The following GRID1 variants were observed in gnomAD, a reference collection of about 807,000 sequenced individuals.
The protein encoded by GRID1 is glutamate receptor ionotropic, delta-1.
Under a neutral mutation model 98.0 loss-of-function variants are expected in GRID1, and 28 were observed. The ratio of observed to expected loss-of-function variants is 0.29; its 90% CI spans 0.21 to 0.39. The LOEUF (loss-of-function observed/expected upper bound fraction) is 0.39. GRID1 is among the 10% of genes least tolerant of loss of function. GRID1 has a pLI of 1.00. For synonymous variants in GRID1, 553 were observed against 538.5 expected (o/e 1.03, Z -0.37); for missense variants, 1,111 against 1,340.5 (o/e 0.83, Z 2.67).
At chr10:86,359,821 T>C (rs1360349545) in intron 2 of GRID1, among the ~76,000 whole-genome samples, 1 of 152,260 alleles carries the variant, frequency 6.6e-6, no homozygotes, top group East Asian at 1.9e-4. Flanking sequence ...TTTTTTTATT[T>C]AACAAATTAG....
intron 13 of GRID1, among the ~76,000 whole-genome samples, chr10:85,628,640 G>T (rs1164720880): frequency 6.6e-6 from 1 of 152,162 alleles, no homozygotes; most frequent in African/African-American, 2.4e-5. Flanking sequence ...GAGGTTGTCA[G>T]GAAACCTGCT....
chr10:85,865,457 T>C (rs1336679650), intron 6 of GRID1, among the ~76,000 whole-genome samples: 1 of 152,146 alleles, frequency 6.6e-6, no homozygotes, highest in Admixed American at 6.5e-5. Flanking sequence ...AAATTCCCTG[T>C]TCTTCTTGGT....
intron 13 of GRID1, among the ~76,000 whole-genome samples, chr10:85,636,787 T>A (rs1263234942): frequency 6.6e-6 from 1 of 152,232 alleles, no homozygotes; most frequent in Non-Finnish European, 1.5e-5. Flanking sequence ...AAACTAATAA[T>A]GTAATTCATT....
intron 4 of GRID1, among the ~76,000 whole-genome samples, chr10:86,011,985 C>T (rs1047471613): frequency 2.6e-5 from 4 of 152,144 alleles, no homozygotes; most frequent in African/African-American, 9.7e-5. Flanking sequence ...TGGTGAAACC[C>T]AGTCTCTACT....
intron 2 of GRID1, among the ~76,000 whole-genome samples, chr10:86,306,843 T>C (rs1847764841): frequency 6.6e-6 from 1 of 152,234 alleles, no homozygotes; most frequent in African/African-American, 2.4e-5. Flanking sequence ...AGGATAACTG[T>C]GTCTTCCTGG....
At chr10:86,338,592 C>T (rs924574337) in intron 2 of GRID1, among the ~76,000 whole-genome samples, 3 of 152,146 alleles carry the variant, frequency 2.0e-5, no homozygotes, top group African/African-American at 7.2e-5. Flanking sequence ...GAGTCTCGCT[C>T]TATCCCCCAG....
chr10:85,797,884 C>T (rs1246689112), intron 8 of GRID1, among the ~76,000 whole-genome samples: 1 of 152,174 alleles, frequency 6.6e-6, no homozygotes, highest in Non-Finnish European at 1.5e-5. Context: ...CCAGCTTCAT[C>T]CATATTGTTG....
Position 86,138,483 on chromosome 10 carries a change from C to G in GRID1, c.726+336G>C, listed in dbSNP as rs1201175841. On this transcript the variant is annotated intron_variant, in intron 4 of 15. Coordinates refer to ENST00000327946, the MANE Select transcript of GRID1 (RefSeq NM_017551.3). Reference sequence around the variant, plus strand: ...TTATTTTATCCCTAGAGGCTTACACCTGTCAACAAAGAGAGGAAAATTAAA... The same window carrying G: ...TTATTTTATCCCTAGAGGCTTACACGTGTCAACAAAGAGAGGAAAATTAAA... 9.2e-5 allele frequency among the ~76,000 whole-genome samples: 14 copies of G among 152,234 alleles called. No homozygotes were observed. The East Asian group carries it at 2.3e-3, about 25-fold the overall frequency.
At chr10:85,772,476 G>A (rs542593105) in intron 8 of GRID1, among the ~76,000 whole-genome samples, 2,068 of 151,532 alleles carry the variant, frequency 0.014, 17 homozygotes, top group Non-Finnish European at 0.022. Flanking sequence ...TAAAATCAGA[G>A]CAGAACTGAA....
chr10:86,011,548 G>A (rs1241505222), intron 4 of GRID1, among the ~76,000 whole-genome samples: 6 of 151,702 alleles, frequency 4.0e-5, no homozygotes, highest in South Asian at 4.2e-4. Flanking sequence ...GAAGGAAAGA[G>A]GAAAAAAAAG....
intron 12 of GRID1, among the ~76,000 whole-genome samples, chr10:85,692,397 C>T (rs950074493): frequency 1.3e-5 from 2 of 152,048 alleles, no homozygotes; most frequent in African/African-American, 4.8e-5. Flanking sequence ...TGCAGTGGCT[C>T]ATAGCTACAG....
chr10:85,887,814 G>T (rs527710412), intron 5 of GRID1, among the ~76,000 whole-genome samples: 1 of 152,244 alleles, frequency 6.6e-6, no homozygotes, highest in Admixed American at 6.5e-5. Context: ...AATGTGTCTA[G>T]CCCGAAGTTT....
chr10:85,869,064 G>T lies in GRID1; in HGVS notation c.897C>A (p.His299Gln). Residue 299 changes from histidine (H) to glutamine (Q), a missense_variant, in exon 6 of 16, where the codon CAC becomes CAA. Physicochemically the swap from His to Gln is conservative, Grantham distance 24. This residue lies in a region of GRID1 where 346 missense variants were observed against 452.3 expected (regional missense o/e 0.76). Transcript: ENST00000327946. Reference sequence around the variant, plus strand: ...GGTCGCAGAGCAGGGAGGAGATGCGGTGGTTGTTCCTCGTGCATTTCTGAT... The same window carrying T: ...GGTCGCAGAGCAGGGAGGAGATGCGTTGGTTGTTCCTCGTGCATTTCTGAT... ...KDNQKCTRNN[H>Q]RISSLLCDPQ... 1.2e-6 allele frequency: 2 copies of T among 1,614,088 alleles called. No individual in the cohort carries two copies. Among genetic ancestry groups the T allele is most frequent in the Admixed American group, 1.7e-5 (1 of 60,030 alleles).
intron 2 of GRID1, among the ~76,000 whole-genome samples, chr10:86,352,089 T>A (rs888645765): frequency 2.0e-5 from 3 of 152,080 alleles, no homozygotes; most frequent in Non-Finnish European, 4.4e-5. Flanking sequence ...GATCACAAGG[T>A]CAGGAGTTAG....
chr10:86,090,489 T>TA (rs1429918125), intron 4 of GRID1, among the ~76,000 whole-genome samples: 1 of 150,288 alleles, frequency 6.7e-6, no homozygotes, highest in Non-Finnish European at 1.5e-5. Flanking sequence ...ACTGAAATTT[T>TA]AAAAAAATGA....
At position 86,192,325 on chromosome 10, in the gene GRID1, C is replaced by T. The variant is rs1845813676; in HGVS notation, c.520+14039G>A. 1.3e-5 allele frequency among the ~76,000 whole-genome samples: 2 copies of T among 152,258 alleles called. No individual in the cohort carries two copies. The highest frequency in any genetic ancestry group is 4.2e-4 in the South Asian group (2 of 4,812). On this transcript the variant is annotated intron_variant, in intron 3 of 15. Transcript: ENST00000327946. This position sits in a 1 kb window ranked among gnomAD's most constrained non-coding sequence, Gnocchi z 4.8. ...GATGAATAGGTCAATAAAATTCTGTCTATCCACACAATGGAATATTACTCA... is the reference window on the plus strand; with the variant it reads ...GATGAATAGGTCAATAAAATTCTGTTTATCCACACAATGGAATATTACTCA...
At chr10:86,163,529 C>T (rs1303301281) in intron 3 of GRID1, among the ~76,000 whole-genome samples, 7 of 151,052 alleles carry the variant, frequency 4.6e-5, no homozygotes, top group Non-Finnish European at 1.0e-4. Flanking sequence ...TGACGCATTT[C>T]TTAAAGATCC....
chr10:85,620,647 T>A (rs1842847570), intron 13 of GRID1, among the ~76,000 whole-genome samples: 1 of 152,126 alleles, frequency 6.6e-6, no homozygotes, highest in Non-Finnish European at 1.5e-5. Flanking sequence ...GGCTTGACTG[T>A]TATGGTGCCA....
intron 4 of GRID1, among the ~76,000 whole-genome samples, chr10:85,925,936 T>C (rs1841768187): frequency 6.6e-6 from 1 of 152,256 alleles, no homozygotes; most frequent in African/African-American, 2.4e-5. Context: ...GATGGAAACA[T>C]GTGAATTCTT....
Sources: gnomAD v4.1 joint callset for allele counts (sites outside exome capture counted in the v4.1 genomes callset) on GRCh38, gnomAD v4.1.1 for gene constraint, gnomAD v4.1.1 regional missense constraint, Gnocchi (gnomAD v3.1) non-coding constraint, MANE v1.5 for transcripts, NCBI Gene and HGNC (gene_info 2026-07-23, HGNC 2026-07-21) for gene names.